Variants in KCNQ5 observed in about 807,000 individuals in gnomAD.
KCNQ5 encodes potassium voltage-gated channel subfamily Q member 5.
In KCNQ5, 30 loss-of-function variants were observed where a neutral mutation model predicts 98.2. The observed-to-expected ratio is 0.31, with a 90% CI of 0.23 to 0.41. KCNQ5 has a LOEUF of 0.41. KCNQ5 is among the 10% of genes least tolerant of loss of function. The pLI is 1.00. For synonymous variants in KCNQ5, 458 were observed against 449.4 expected (o/e 1.02, Z -0.24); for missense variants, 835 against 1,182.5 (o/e 0.71, Z 4.31).
chr6:72,637,883 G>A lies in KCNQ5; in HGVS notation c.398+15296G>A, dbSNP rs1029207036. Among the ~76,000 whole-genome samples, 3 of 152,178 alleles carry A rather than the reference G, an allele frequency of 2.0e-5. 1 individual carries two copies. The highest frequency in any genetic ancestry group is 4.4e-5 in the Non-Finnish European group (3 of 68,036). ...AATTACAGTTTGTTTTGGGGAAACA[G>A]TTTTAACAAGCTCGAACATTCAAAT... On this transcript the variant is annotated intron_variant, in intron 1 of 13. Transcript: ENST00000370398.
intron 1 of KCNQ5, among the ~76,000 whole-genome samples, chr6:72,921,738 C>A (rs1780409279): frequency 6.6e-6 from 1 of 152,108 alleles, no homozygotes; most frequent in Admixed American, 6.6e-5. Flanking sequence ...ATAATAAGTA[C>A]TCTAAATTTG....
At chr6:73,088,270 C>T (rs1179285481) in intron 5 of KCNQ5, among the ~76,000 whole-genome samples, 4 of 152,096 alleles carry the variant, frequency 2.6e-5, no homozygotes, top group Non-Finnish European at 5.9e-5. Flanking sequence ...ATCCACCTGC[C>T]TCGGCCTCCC....
rs561531407 is a variant in KCNQ5, at chr6:72,957,194, A to G, written c.399-46714A>G. ...GCTTTTTTTTTTTTTTTTTTGAGAT[A>G]GGGTCTTGCTCCGTTGCCCAGGCTG... is the stretch of plus-strand genomic sequence containing the variant. On this transcript the variant is annotated intron_variant, in intron 1 of 13. Coordinates refer to ENST00000370398, the MANE Select transcript of KCNQ5 (RefSeq NM_019842.4). Among the ~76,000 whole-genome samples, 166 of 128,410 alleles carry G rather than the reference A, an allele frequency of 1.3e-3. 1 individual carries two copies. Among genetic ancestry groups the G allele is most frequent in the Middle Eastern group, 0.011 (2 of 188 alleles). The allele number at this position is 128,410 out of a possible 152,430, so 84.2% of individuals were successfully genotyped here.
intron 1 of KCNQ5, among the ~76,000 whole-genome samples, chr6:72,796,970 G>A (rs1774369361): frequency 6.6e-6 from 1 of 152,170 alleles, no homozygotes; most frequent in African/African-American, 2.4e-5. Context: ...GAACTATGCA[G>A]AGCAGAGATA....
Position 73,195,485 on chromosome 6 carries a change from C to G in KCNQ5, c.*71C>G. The G allele has an allele frequency of 6.6e-7, 1 of 1,523,644 alleles. No homozygotes were observed. Among genetic ancestry groups the G allele is most frequent in the Non-Finnish European group, 8.8e-7 (1 of 1,137,140 alleles). The allele number at this position is 1,523,644 out of a possible 1,614,324, so 94.4% of individuals were successfully genotyped here. A position where few individuals can be genotyped will look rare whatever the true frequency, so the allele number is the denominator to read the frequency against. ...ATCATTGCATGAACTATTTCGAAAGCCCTTCTAAAAAGTTGAAATTGCAAG... is the reference window on the plus strand; with the variant it reads ...ATCATTGCATGAACTATTTCGAAAGGCCTTCTAAAAAGTTGAAATTGCAAG... On this transcript the variant is annotated 3_prime_UTR_variant, in exon 14 of 14. Transcript: ENST00000370398.
intron 11 of KCNQ5, among the ~76,000 whole-genome samples, chr6:73,186,109 G>T (rs1367104613): frequency 1.3e-5 from 2 of 152,038 alleles, no homozygotes; most frequent in East Asian, 1.9e-4. Flanking sequence ...CTCCTTGTAG[G>T]CCCAGCTACT....
At chr6:72,886,381 A>G (rs982987824) in intron 1 of KCNQ5, among the ~76,000 whole-genome samples, 2 of 152,196 alleles carry the variant, frequency 1.3e-5, no homozygotes, top group African/African-American at 4.8e-5. Flanking sequence ...GAACTAGTAA[A>G]GTAAAATATA....
At chr6:72,784,380 A>T (rs1773634030) in intron 1 of KCNQ5, among the ~76,000 whole-genome samples, 1 of 152,236 alleles carries the variant, frequency 6.6e-6, no homozygotes, top group Non-Finnish European at 1.5e-5. Context: ...TGAAAGATGT[A>T]AGAGAAGCAC....
intron 9 of KCNQ5, among the ~76,000 whole-genome samples, chr6:73,125,087 C>G (rs1775923365): frequency 6.9e-6 from 1 of 145,562 alleles, no homozygotes; most frequent in African/African-American, 2.5e-5. Flanking sequence ...GATGAAACCA[C>G]CTCTCTGTGA....
intron 1 of KCNQ5, among the ~76,000 whole-genome samples, chr6:72,756,431 C>T (rs1771975651): frequency 6.6e-6 from 1 of 152,158 alleles, no homozygotes; most frequent in South Asian, 2.1e-4. Flanking sequence ...CATTTGGGAA[C>T]TCTATTTTAC....
chr6:73,192,199 C>T (rs1232969441), intron 12 of KCNQ5, among the ~76,000 whole-genome samples: 2 of 152,198 alleles, frequency 1.3e-5, no homozygotes, highest in Non-Finnish European at 2.9e-5. Context: ...AATAGATGCT[C>T]ATAGAATAAT....
chr6:72,840,221 G>A (rs1026189139), intron 1 of KCNQ5, among the ~76,000 whole-genome samples: 1 of 152,116 alleles, frequency 6.6e-6, no homozygotes, highest in Admixed American at 6.6e-5. Flanking sequence ...AGTGAACATA[G>A]GAGTGCAGGT....
chr6:73,011,358 T>A (rs562401922), intron 2 of KCNQ5, among the ~76,000 whole-genome samples: 1 of 152,062 alleles, frequency 6.6e-6, no homozygotes, highest in South Asian at 2.1e-4. Context: ...TACGGTCAAA[T>A]GATTTTTGAC....
At chr6:72,892,680 A>G (rs1333849566) in intron 1 of KCNQ5, among the ~76,000 whole-genome samples, 1 of 151,806 alleles carries the variant, frequency 6.6e-6, no homozygotes, top group Non-Finnish European at 1.5e-5. Flanking sequence ...AGCAATTTTT[A>G]TCATGAGTTT....
At chr6:72,827,937 T>C (rs75242268) in intron 1 of KCNQ5, among the ~76,000 whole-genome samples, 4,755 of 152,262 alleles carry the variant, frequency 0.031, 88 homozygotes, top group Middle Eastern at 0.051. Flanking sequence ...AGTTTTATTC[T>C]TCTGCATACG....
chr6:73,124,390 A>G, intron 8 of KCNQ5, 96 bp from the exon 9 acceptor site: 1 of 1,066,488 alleles, frequency 9.4e-7, no homozygotes, highest in Non-Finnish European at 1.4e-6. Flanking sequence ...TACTTAAGGT[A>G]TTTGATTCCC....
intron 1 of KCNQ5, among the ~76,000 whole-genome samples, chr6:72,933,855 T>G (rs1765787810): frequency 6.6e-6 from 1 of 152,198 alleles, no homozygotes; most frequent in South Asian, 2.1e-4. Flanking sequence ...GAGCCGATAA[T>G]TATTCTAGTT....
At chr6:72,747,966 A>G (rs754991986) in intron 1 of KCNQ5, among the ~76,000 whole-genome samples, 1 of 152,178 alleles carries the variant, frequency 6.6e-6, no homozygotes, top group Non-Finnish European at 1.5e-5. Context: ...TTCATTTCAC[A>G]TCATTTCCTT....
At chr6:72,725,611 A>C (rs942519044) in intron 1 of KCNQ5, among the ~76,000 whole-genome samples, 3 of 152,186 alleles carry the variant, frequency 2.0e-5, no homozygotes, top group African/African-American at 7.2e-5. Flanking sequence ...TGTTGTGCAG[A>C]ATGGTGACTA....
Sources: allele counts gnomAD v4.1 joint callset (sites outside exome capture counted in the v4.1 genomes callset), GRCh38; gene constraint gnomAD v4.1.1; transcripts MANE v1.5; gene names NCBI Gene and HGNC (gene_info 2026-07-23, HGNC 2026-07-21).